The following MMP24 variants were observed in gnomAD, a reference collection of about 807,000 sequenced individuals.
The protein encoded by MMP24 is matrix metalloproteinase-24.
In MMP24, 25 loss-of-function variants were observed where a neutral mutation model predicts 62.8. That is an observed-to-expected ratio of 0.40 (90% CI 0.29 to 0.56). The LOEUF is 0.56. Ranked by LOEUF, MMP24 falls within the 20% of genes least tolerant of loss-of-function variation. The probability of loss-of-function intolerance (pLI) is 0.50; values close to 1 mark genes in which losing one functional copy is unlikely to be tolerated. For synonymous variants in MMP24, 319 were observed against 350.5 expected (o/e 0.91, Z 1.00); for missense variants, 634 against 853.6 (o/e 0.74, Z 3.21).
intron 1 of MMP24, among the ~76,000 whole-genome samples, chr20:35,246,540 A>G (rs978932642): frequency 1.2e-4 from 18 of 152,206 alleles, no homozygotes; most frequent in African/African-American, 4.3e-4. Flanking sequence ...AGTGGAAAGC[A>G]CTGAATAAAT....
intron 7 of MMP24, among the ~76,000 whole-genome samples, chr20:35,270,305 G>A (rs1182556296): frequency 1.3e-5 from 2 of 152,308 alleles, no homozygotes; most frequent in African/African-American, 4.8e-5. Flanking sequence ...ATCTTGACTC[G>A]GGCCAGACCT....
In MMP24 at chr20:35,267,185, G is replaced by A; in HGVS notation, c.980-20G>A. On this transcript the variant is annotated intron_variant, in intron 5 of 8. Transcript: ENST00000246186. ...CGGGAAACGGCTGCCCCCTCTCTAA[G>A]ATGCAGCTCCTCTCTCCAGGACCCC... is the stretch of plus-strand genomic sequence containing the variant. 3 of 1,558,606 alleles carry A rather than the reference G, an allele frequency of 1.9e-6. No individual in the cohort carries two copies. The highest frequency in any genetic ancestry group is 2.6e-6 in the Non-Finnish European group (3 of 1,150,092).
In MMP24 at chr20:35,271,902, G is replaced by A. The variant is rs146085917; in HGVS notation, c.1600+67G>A. ...TTATGTGGTCCTCACCAGTGCCCAC[G>A]GGCATACTCAGTGCCCATGGGCGTC... On this transcript the variant is annotated intron_variant, in intron 8 of 8. Transcript: ENST00000246186. The surrounding 1 kb of genome is among the most constrained non-coding windows in gnomAD (Gnocchi z 4.0). The A allele has an allele frequency of 1.8e-4, 271 of 1,502,800 alleles. No individual in the cohort carries two copies. Among genetic ancestry groups the A allele is most frequent in the Middle Eastern group, 2.2e-4 (1 of 4,454 alleles). The allele number at this position is 1,502,800 out of a possible 1,614,324, so 93.1% of individuals were successfully genotyped here.
At chr20:35,247,468 T>C (rs1383980661) in intron 2 of MMP24, among the ~76,000 whole-genome samples, 1 of 152,040 alleles carries the variant, frequency 6.6e-6, no homozygotes, top group African/African-American at 2.4e-5. Flanking sequence ...TAGTGACAAA[T>C]ACAGTCATCT....
intron 1 of MMP24, among the ~76,000 whole-genome samples, chr20:35,237,471 C>T (rs895400887): frequency 6.6e-6 from 1 of 152,222 alleles, no homozygotes; most frequent in African/African-American, 2.4e-5. Context: ...CTGGATAATC[C>T]GGGCTAATCT....
In MMP24 at chr20:35,274,182, G is replaced by A. The variant is rs1043114132; in HGVS notation, c.1601-90G>A. ...CAGGTGTGCCCACCTTGCCTCCCTT[G>A]CCACAGTGCCTGTGCCCTCCTTTTC... is the stretch of plus-strand genomic sequence containing the variant. On this transcript the variant is annotated intron_variant, in intron 8 of 8. Transcript: ENST00000246186. The surrounding 1 kb of genome is among the most constrained non-coding windows in gnomAD (Gnocchi z 5.1). 3.8e-6 allele frequency: 5 copies of A among 1,325,386 alleles called. No individual in the cohort carries two copies. The African/African-American group carries it at 7.3e-5, about 19-fold the overall frequency. The allele number at this position is 1,325,386 out of a possible 1,614,324, so 82.1% of individuals were successfully genotyped here.
At chr20:35,228,407 G>A (rs149769474) in intron 1 of MMP24, among the ~76,000 whole-genome samples, 2 of 152,304 alleles carry the variant, frequency 1.3e-5, no homozygotes, top group East Asian at 1.9e-4. Context: ...GTTTTCACAT[G>A]TGTTTTATCA....
At chr20:35,231,908 T>C (rs2060439611) in intron 1 of MMP24, among the ~76,000 whole-genome samples, 1 of 152,100 alleles carries the variant, frequency 6.6e-6, no homozygotes, top group Non-Finnish European at 1.5e-5. Context: ...AAAAATTAGC[T>C]GAGCCTGGTG....
rs892253704 is a variant in MMP24 at position 35,264,121 on chromosome 20, G to A, written c.979+169G>A. On this transcript the variant is annotated intron_variant, in intron 5 of 8. Transcript: ENST00000246186. ...TCCAATGGCTTTGCCTGGCCAGAGGGCAAGGCTTCCCCTGGCACACCTGGG... is the reference window on the plus strand; with the variant it reads ...TCCAATGGCTTTGCCTGGCCAGAGGACAAGGCTTCCCCTGGCACACCTGGG... 3 of 735,768 alleles carry A rather than the reference G, an allele frequency of 4.1e-6. No homozygotes were observed. The African/African-American group carries it at 5.5e-5, about 14-fold the overall frequency. 45.6% of individuals were successfully genotyped at this position (735,768 alleles called of 1,614,324 possible). A position where few individuals can be genotyped will look rare whatever the true frequency, so the allele number is the denominator to read the frequency against.
In MMP24 at chr20:35,251,905, G is replaced by A; in HGVS notation, c.396G>A (p.Glu132=). 1.2e-6 allele frequency: 2 copies of A among 1,612,966 alleles called. No homozygotes were observed. ...VTGVLDQTTI[E]WMKKPRCGVP... Reference sequence around the variant, plus strand: ...GTGTGTGTGTCCTCTCTCTGCCCAGGTGGATGAAGAAACCCCGATGTGGTG... The same window carrying A: ...GTGTGTGTGTCCTCTCTCTGCCCAGATGGATGAAGAAACCCCGATGTGGTG... Residue 132 remains glutamate, a splice_region_variant and synonymous_variant, in exon 3 of 9, where the codon GAG becomes GAA. Transcript: ENST00000246186.
At chr20:35,263,731 G>A in intron 4 of MMP24, 60 bp from the exon 5 acceptor site, 1 of 1,383,516 alleles carries the variant, frequency 7.2e-7, no homozygotes, top group South Asian at 1.5e-5. Flanking sequence ...GTAATGGGTT[G>A]GCTGACCGAC....
intron 4 of MMP24, among the ~76,000 whole-genome samples, chr20:35,260,101 C>A (rs1199510246): frequency 2.6e-5 from 4 of 152,144 alleles, no homozygotes; most frequent in Non-Finnish European, 5.9e-5. Flanking sequence ...AGTGAAGACC[C>A]TAGCAGCCTC....
chr20:35,236,811 T>C (rs1478257638), intron 1 of MMP24, among the ~76,000 whole-genome samples: 1 of 151,864 alleles, frequency 6.6e-6, no homozygotes, highest in Non-Finnish European at 1.5e-5. Flanking sequence ...CTGTCTCTAC[T>C]AAAAATACAA....
intron 7 of MMP24, among the ~76,000 whole-genome samples, chr20:35,270,955 G>A (rs938986665): frequency 5.3e-5 from 8 of 152,192 alleles, no homozygotes; most frequent in Non-Finnish European, 7.3e-5. Context: ...CAGGAGAATC[G>A]CTTGAACCCA....
In MMP24 at chr20:35,274,879, C is replaced by G; in HGVS notation, c.*270C>G. ...CTTAAGGGAATAGGCCAGGCTCCAT[C>G]CGGAGGCAGGGACCATGCCAGGAGG... On this transcript the variant is annotated 3_prime_UTR_variant, in exon 9 of 9. Transcript: ENST00000246186. The surrounding 1 kb of genome is among the most constrained non-coding windows in gnomAD (Gnocchi z 5.1). 4.2e-6 allele frequency: 2 copies of G among 472,682 alleles called. No individual in the cohort carries two copies. Among genetic ancestry groups the G allele is most frequent in the Non-Finnish European group, 7.6e-6 (2 of 263,776 alleles). The allele number at this position is 472,682 out of a possible 1,614,324, so 29.3% of individuals were successfully genotyped here.
At chr20:35,230,720 C>T (rs1274307602) in intron 1 of MMP24, among the ~76,000 whole-genome samples, 5 of 152,128 alleles carry the variant, frequency 3.3e-5, no homozygotes, top group Non-Finnish European at 7.3e-5. Flanking sequence ...CACCCAGTAC[C>T]TACTACAGCA....
chr20:35,274,715 T>G lies in MMP24; in HGVS notation c.*106T>G. ...GTGCTCACCAGGGCCAGCAGGGCCC[T>G]AGGCTGGGGTCGTACAGCTGAAGTG... On this transcript the variant is annotated 3_prime_UTR_variant, in exon 9 of 9. Coordinates refer to ENST00000246186, the MANE Select transcript of MMP24 (RefSeq NM_006690.4). The surrounding 1 kb of genome is among the most constrained non-coding windows in gnomAD (Gnocchi z 5.1). The G allele has an allele frequency of 9.9e-7, 1 of 1,012,220 alleles. No homozygotes were observed. Among genetic ancestry groups the G allele is most frequent in the Non-Finnish European group, 1.4e-6 (1 of 700,452 alleles). The allele number at this position is 1,012,220 out of a possible 1,614,324, so 62.7% of individuals were successfully genotyped here.
At chr20:35,230,933 CTTTA>C (rs1367501232) in intron 1 of MMP24, among the ~76,000 whole-genome samples, 5 of 152,114 alleles carry the variant, frequency 3.3e-5, no homozygotes, top group Non-Finnish European at 7.4e-5. Flanking sequence ...TTCTCCTTTG[CTTTA>C]TTTTTCTCCA....
rs761719552 is a variant in MMP24, at chr20:35,254,491, G to A, written c.554G>A (p.Arg185Gln). Reference sequence around the variant, plus strand: ...CCAAAAGTGGGTGAGCTAGACACGCGGAAAGCTATTCGCCAGGCTTTCGAT... The same window carrying A: ...CCAAAAGTGGGTGAGCTAGACACGCAGAAAGCTATTCGCCAGGCTTTCGAT... ...YTPKVGELDT[R>Q]KAIRQAFDVW... The change falls in exon 4 of 9, where the codon CGG (arginine) becomes CAG (glutamine). Residue 185 changes from arginine to glutamine, a missense_variant. Physicochemically the swap from Arg to Gln is conservative, Grantham distance 43. Around this residue, in one of 3 missense-constraint regions of MMP24, gnomAD observed 212 missense variants for 259.6 expected, o/e 0.82. Transcript: ENST00000246186. 39 of 1,613,876 alleles carry A rather than the reference G, an allele frequency of 2.4e-5. No individual in the cohort carries two copies. Among genetic ancestry groups the A allele is most frequent in the Middle Eastern group, 1.6e-4 (1 of 6,084 alleles).
Sources: gnomAD v4.1 joint callset for allele counts (sites outside exome capture counted in the v4.1 genomes callset) on GRCh38, gnomAD v4.1.1 for gene constraint, gnomAD v4.1.1 regional missense constraint, Gnocchi (gnomAD v3.1) non-coding constraint, MANE v1.5 for transcripts, NCBI Gene and HGNC (gene_info 2026-07-23, HGNC 2026-07-21) for gene names.